CCDC141: variants seen among roughly 807,000 people sequenced by gnomAD.
The protein encoded by CCDC141 is coiled-coil domain containing 141, also known as coiled-coil domain-containing protein 141.
A neutral mutation model predicts 181.0 loss-of-function variants in CCDC141; 168 were observed. The ratio of observed to expected loss-of-function variants is 0.93; its 90% CI spans 0.82 to 1.05. The LOEUF is 1.05. Ranked by LOEUF, CCDC141 falls within the 50% of genes least tolerant of loss-of-function variation. CCDC141 has a pLI of 0.00. For synonymous variants in CCDC141, 666 were observed against 642.3 expected, an observed-to-expected ratio of 1.04 and a Z score of -0.56; for missense variants, 1,902 against 1,788.5, an observed-to-expected ratio of 1.06 and a Z score of -1.14.
At chr2:178,939,910 AT>A (rs1015231737) in intron 6 of CCDC141, among the ~76,000 whole-genome samples, 27 of 152,208 alleles carry the variant, frequency 1.8e-4, no homozygotes, top group Admixed American at 6.5e-5. Context: ...AGTTACTGAT[AT>A]CCCAATGGAA....
In CCDC141 at chr2:178,853,609, C is replaced by T. The variant is rs139365189; in HGVS notation, c.3076G>A (p.Glu1026Lys). The change falls in exon 20 of 24, where the codon GAA (glutamate) becomes AAA (lysine). Residue 1026 changes from glutamate to lysine, a missense_variant. Coordinates refer to ENST00000443758, the MANE Select transcript of CCDC141 (RefSeq NM_173648.4). ...EVIEECHFWY[E>K]DASATVVRVG... ...CTTACAACTGTGGCACTTGCATCTT[C>T]GTACCAAAAATGACACTAAATTTAA... 323 of 1,611,346 alleles carry T rather than the reference C, an allele frequency of 2.0e-4. No homozygotes were observed. In the African/African-American group the frequency reaches 3.7e-3, roughly 18 times the overall value.
rs1690456339 is a variant in CCDC141 at position 178,962,628 on chromosome 2, TTC to T, written c.527-1147_527-1146del. 2.2e-5 allele frequency among the ~76,000 whole-genome samples: 3 copies of T among 135,676 alleles called. No homozygotes were observed. The East Asian group carries it at 8.0e-4, about 36-fold the overall frequency. The allele number at this position is 135,676 out of a possible 152,430, so 89.0% of individuals were successfully genotyped here. A position where few individuals can be genotyped will look rare whatever the true frequency, so the allele number is the denominator to read the frequency against. ...TCTTTTCTTTCTTTTCCTTCTTTCC[TTC>T]TTTCTTTCCTTTCCTTCTTTCTTTC... On this transcript the variant is annotated intron_variant, in intron 4 of 23. Transcript: ENST00000443758.
chr2:179,025,104 T>C (rs77710151), intron 2 of CCDC141, among the ~76,000 whole-genome samples: 6,751 of 152,080 alleles, frequency 0.044, 168 homozygotes, highest in African/African-American at 0.062. Flanking sequence ...TCTTTTTCTT[T>C]TCTTTTTTTT....
chr2:178,974,084 T>C (rs950196635), intron 4 of CCDC141, among the ~76,000 whole-genome samples: 4 of 152,082 alleles, frequency 2.6e-5, no homozygotes, highest in African/African-American at 4.8e-5. Context: ...TAATCTTACA[T>C]AGGAAAGATT....
At chr2:178,905,839 C>T (rs1558970564) in intron 7 of CCDC141, among the ~76,000 whole-genome samples, 2 of 152,190 alleles carry the variant, frequency 1.3e-5, no homozygotes, top group Non-Finnish European at 2.9e-5. Flanking sequence ...GCATTTTACA[C>T]TGTAAACAAA....
In CCDC141 at chr2:178,837,446, G is replaced by C; in HGVS notation, c.3773C>G (p.Pro1258Arg). ...SYGVQAGTSS[P>R]GDAQESVLPP... ...AAGAACAGATTCCTGGGCATCCCCT[G>C]GGCTGCTGGTCCCAGCCTGCACCCC... Residue 1258 changes from proline to arginine, a missense_variant, in exon 23 of 24, where the codon CCA becomes CGA. Coordinates refer to ENST00000443758, the MANE Select transcript of CCDC141 (RefSeq NM_173648.4). 1.2e-6 allele frequency: 2 copies of C among 1,614,078 alleles called. No homozygotes were observed. The highest frequency in any genetic ancestry group is 1.7e-6 in the Non-Finnish European group (2 of 1,179,984).
chr2:178,957,825 C>T (rs1285227251), intron 5 of CCDC141, among the ~76,000 whole-genome samples: 1 of 152,132 alleles, frequency 6.6e-6, no homozygotes, highest in African/African-American at 2.4e-5. Context: ...CTACCAGACT[C>T]AAGGGATCCT....
At chr2:179,008,459 C>G (rs185764831) in intron 2 of CCDC141, among the ~76,000 whole-genome samples, 1 of 152,272 alleles carries the variant, frequency 6.6e-6, no homozygotes, top group African/African-American at 2.4e-5. Context: ...GAAGCCAATC[C>G]TTCCTATTCT....
intron 4 of CCDC141, among the ~76,000 whole-genome samples, chr2:178,971,102 G>A (rs555544088): frequency 6.6e-6 from 1 of 152,246 alleles, no homozygotes; most frequent in African/African-American, 2.4e-5. Context: ...CAGCTACTCG[G>A]GAGGCTGAGA....
intron 3 of CCDC141, among the ~76,000 whole-genome samples, chr2:178,977,076 A>T (rs1389707241): frequency 6.6e-6 from 1 of 152,160 alleles, no homozygotes; most frequent in African/African-American, 2.4e-5. Context: ...GTTTGTCTTC[A>T]GTTTAGTATG....
At position 179,020,502 on chromosome 2, in the gene CCDC141, A is replaced by C. The variant is rs371697407; in HGVS notation, c.225+26782T>G. Among the ~76,000 whole-genome samples the C allele has an allele frequency of 6.6e-5, 10 of 152,292 alleles. No individual in the cohort carries two copies. In the South Asian group the frequency reaches 1.2e-3, roughly 19 times the overall value. The stretch of plus-strand genomic sequence containing the variant: ...GATCAGGTGTATATTTCTAGATAGC[A>C]GCAGGCTTCCATGCTCAGCTTGTGC... On this transcript the variant is annotated intron_variant, in intron 2 of 23. Transcript: ENST00000443758.
At chr2:178,973,295 A>G (rs893785282) in intron 4 of CCDC141, among the ~76,000 whole-genome samples, 13 of 152,198 alleles carry the variant, frequency 8.5e-5, no homozygotes, top group African/African-American at 2.7e-4. Flanking sequence ...GTTCTCTGTC[A>G]TCTCTGTGCT....
At chr2:178,878,227 T>C (rs1686435236) in intron 11 of CCDC141, 84 bp from the exon 12 acceptor site, 1 of 580,284 alleles carries the variant, frequency 1.7e-6, no homozygotes, top group Admixed American at 3.9e-5. Context: ...AAAACCTATA[T>C]AAAACCTAAA....
At chr2:178,903,809 G>C (rs972412419) in intron 8 of CCDC141, among the ~76,000 whole-genome samples, 14 of 151,688 alleles carry the variant, frequency 9.2e-5, no homozygotes, top group African/African-American at 3.1e-4. Flanking sequence ...TCCACAGCCA[G>C]GGAACATGCC....
chr2:178,884,792 G>A, intron 11 of CCDC141, 109 bp downstream of exon 11: 1 of 751,510 alleles, frequency 1.3e-6, no homozygotes, highest in Middle Eastern at 2.4e-4. Context: ...CCACGCACAG[G>A]GGTAGAGGAT....
intron 17 of CCDC141, among the ~76,000 whole-genome samples, chr2:178,862,178 TAC>T (rs1178055760): frequency 9.2e-5 from 14 of 152,376 alleles, no homozygotes; most frequent in Admixed American, 5.9e-4. Context: ...ATGTGACCGA[TAC>T]ATGGAACATA....
intron 2 of CCDC141, among the ~76,000 whole-genome samples, chr2:179,035,292 G>A (rs538423381): frequency 3.3e-5 from 5 of 151,886 alleles, no homozygotes; most frequent in South Asian, 4.2e-4. Context: ...CATCTTTCAC[G>A]TTAGAGAAAC....
At chr2:178,923,144 G>A (rs537932472) in intron 6 of CCDC141, among the ~76,000 whole-genome samples, 1 of 137,064 alleles carries the variant, frequency 7.3e-6, no homozygotes, top group African/African-American at 2.8e-5. Flanking sequence ...TCGCTCTGTC[G>A]CCCAGGCTGG....
intron 6 of CCDC141, among the ~76,000 whole-genome samples, chr2:178,939,592 T>C (rs1689425794): frequency 6.6e-6 from 1 of 152,094 alleles, no homozygotes; most frequent in African/African-American, 2.4e-5. Flanking sequence ...ATAGTTGATA[T>C]TAGAGAGGTA....
Sources: allele counts gnomAD v4.1 joint callset (sites outside exome capture counted in the v4.1 genomes callset), GRCh38; gene constraint gnomAD v4.1.1; transcripts MANE v1.5; gene names NCBI Gene and HGNC (gene_info 2026-07-23, HGNC 2026-07-21).